PACRG: variants seen among roughly 807,000 people sequenced by gnomAD.
PACRG encodes parkin coregulated gene protein.
Under a neutral mutation model 29.7 loss-of-function variants are expected in PACRG, and 29 were observed. The observed-to-expected ratio is 0.98, with a 90% CI of 0.73 to 1.33. The LOEUF is 1.33. PACRG is among the 40% of genes most tolerant of loss of function. PACRG has a pLI of 0.00. For missense variants in PACRG, 279 were observed against 316.2 expected, an observed-to-expected ratio of 0.88 and a Z score of 0.89; for synonymous variants, 116 against 118.7, an observed-to-expected ratio of 0.98 and a Z score of 0.15.
intron 2 of PACRG, among the ~76,000 whole-genome samples, chr6:162,910,964 T>C (rs1796261215): frequency 6.6e-6 from 1 of 152,156 alleles, no homozygotes; most frequent in South Asian, 2.1e-4. Context: ...TCATTTACCA[T>C]CCCAAAGTCA....
chr6:163,122,642 C>T (rs993199613), intron 4 of PACRG, among the ~76,000 whole-genome samples: 11 of 152,338 alleles, frequency 7.2e-5, no homozygotes, highest in Admixed American at 2.0e-4. Flanking sequence ...GAAGTAGACA[C>T]TGGTGCCACG....
intron 2 of PACRG, among the ~76,000 whole-genome samples, chr6:162,958,628 G>A (rs1800251363): frequency 6.6e-6 from 1 of 151,486 alleles, no homozygotes; most frequent in Admixed American, 6.6e-5. Context: ...GTTGGACATT[G>A]ACTTGACACT....
intron 4 of PACRG, among the ~76,000 whole-genome samples, chr6:163,298,924 A>G (rs1248012788): frequency 5.3e-5 from 8 of 152,064 alleles, no homozygotes; most frequent in African/African-American, 1.7e-4. Flanking sequence ...TCCCAGGGAG[A>G]TCTTCTGGAT....
intron 1 of PACRG, among the ~76,000 whole-genome samples, chr6:162,787,521 ATGTG>A (rs777013307): frequency 4.5e-5 from 6 of 134,634 alleles, no homozygotes; most frequent in Non-Finnish European, 7.9e-5. Flanking sequence ...GTGTGTGTAT[ATGTG>A]TGTGTGTGTG....
intron 3 of PACRG, among the ~76,000 whole-genome samples, chr6:163,076,456 C>A (rs1040537877): frequency 5.9e-5 from 9 of 152,172 alleles, no homozygotes; most frequent in African/African-American, 2.2e-4. Context: ...TGCCCCAGGC[C>A]ACACAACTTA....
At chr6:163,186,881 ACAC>A (rs989551992) in intron 4 of PACRG, among the ~76,000 whole-genome samples, 7 of 152,292 alleles carry the variant, frequency 4.6e-5, no homozygotes, top group African/African-American at 1.7e-4. Flanking sequence ...CTCACCGCAC[ACAC>A]AAGACCAATT....
At chr6:163,186,865 G>A (rs940551317) in intron 4 of PACRG, among the ~76,000 whole-genome samples, 9 of 152,186 alleles carry the variant, frequency 5.9e-5, no homozygotes, top group African/African-American at 9.6e-5. Flanking sequence ...TCGGCCTCCC[G>A]TCGCCCTCAC....
intron 2 of PACRG, among the ~76,000 whole-genome samples, chr6:162,858,467 CA>C (rs1791586668): frequency 6.6e-6 from 1 of 152,114 alleles, no homozygotes; most frequent in African/African-American, 2.4e-5. Context: ...GACACAGAGC[CA>C]AACCAATCAC....
At chr6:162,938,762 G>A (rs1798411790) in intron 2 of PACRG, among the ~76,000 whole-genome samples, 1 of 152,104 alleles carries the variant, frequency 6.6e-6, no homozygotes, top group South Asian at 2.1e-4. Context: ...GTGATGCTGA[G>A]CATTTTTTCA....
intron 2 of PACRG, among the ~76,000 whole-genome samples, chr6:163,056,421 G>C (rs1810595525): frequency 6.6e-6 from 1 of 152,142 alleles, no homozygotes; most frequent in Non-Finnish European, 1.5e-5. Flanking sequence ...TTTCATTGTG[G>C]GCAGGTCTGT....
At chr6:163,069,480 G>C (rs995973153) in intron 3 of PACRG, among the ~76,000 whole-genome samples, 1 of 152,026 alleles carries the variant, frequency 6.6e-6, no homozygotes, top group Admixed American at 6.6e-5. Context: ...GAACCAAGCA[G>C]AAATTTTGGA....
At chr6:163,045,602 T>C (rs1281369297) in intron 2 of PACRG, among the ~76,000 whole-genome samples, 5 of 149,378 alleles carry the variant, frequency 3.3e-5, no homozygotes, top group Admixed American at 6.7e-5. Flanking sequence ...GGATTACAGG[T>C]GTGAGCTACT....
intron 2 of PACRG, among the ~76,000 whole-genome samples, chr6:163,038,796 A>G (rs1808432317): frequency 6.6e-6 from 1 of 152,176 alleles, no homozygotes; most frequent in South Asian, 2.1e-4. Flanking sequence ...CTCCCTAGAG[A>G]GGACAGGAAG....
intron 3 of PACRG, among the ~76,000 whole-genome samples, chr6:163,081,534 A>C (rs968196651): frequency 6.6e-6 from 1 of 152,232 alleles, no homozygotes; most frequent in Non-Finnish European, 1.5e-5. Flanking sequence ...AGGAGGGCAG[A>C]TCACTTGAAC....
intron 3 of PACRG, among the ~76,000 whole-genome samples, chr6:163,082,731 AT>A (rs1442213417): frequency 6.6e-6 from 1 of 152,122 alleles, no homozygotes; most frequent in Non-Finnish European, 1.5e-5. Flanking sequence ...TGTCTTAAAC[AT>A]TTTCCTATTT....
chr6:163,039,088 AG>A (rs1398111214), intron 2 of PACRG, among the ~76,000 whole-genome samples: 2 of 152,154 alleles, frequency 1.3e-5, no homozygotes, highest in Admixed American at 1.3e-4. Flanking sequence ...TCATGAGGGC[AG>A]TTTACCCCGT....
intron 2 of PACRG, among the ~76,000 whole-genome samples, chr6:162,952,348 G>A (rs1799717177): frequency 6.6e-6 from 1 of 152,118 alleles, no homozygotes; most frequent in Non-Finnish European, 1.5e-5. Flanking sequence ...ACCCCTTGTT[G>A]TATATAGATT....
intron 2 of PACRG, among the ~76,000 whole-genome samples, chr6:162,826,648 A>G (rs571351997): frequency 6.6e-6 from 1 of 151,994 alleles, no homozygotes; most frequent in African/African-American, 2.4e-5. Context: ...TTTTTAGTAG[A>G]GACGGGGTTT....
At chr6:162,795,417 A>C (rs996643225) in intron 1 of PACRG, among the ~76,000 whole-genome samples, 1 of 152,204 alleles carries the variant, frequency 6.6e-6, no homozygotes, top group African/African-American at 2.4e-5. Context: ...AACACCAGTT[A>C]ATGAATCGTC....
Sources: gnomAD v4.1 joint callset for allele counts (sites outside exome capture counted in the v4.1 genomes callset) on GRCh38, gnomAD v4.1.1 for gene constraint, MANE v1.5 for transcripts, NCBI Gene and HGNC (gene_info 2026-07-23, HGNC 2026-07-21) for gene names.